The following RALGAPA1 variants were observed in gnomAD, a reference collection of about 807,000 sequenced individuals.
RALGAPA1 encodes the protein Ral GTPase activating protein catalytic subunit alpha 1.
Under a neutral mutation model 269.6 loss-of-function variants are expected in RALGAPA1, and 52 were observed. The ratio of observed to expected loss-of-function variants is 0.19; its 90% CI spans 0.15 to 0.24. The LOEUF is 0.24. Among genes scored for constraint, RALGAPA1 ranks in the 10% least tolerant of loss-of-function variants. The pLI is 1.00. For synonymous variants in RALGAPA1, 817 were observed against 1,008.3 expected (o/e 0.81, Z 3.60); for missense variants, 1,917 against 3,013.9 (o/e 0.64, Z 8.52).
At chr14:35,653,137 G>C (rs569684707) in intron 30 of RALGAPA1, among the ~76,000 whole-genome samples, 3 of 152,182 alleles carry the variant, frequency 2.0e-5, no homozygotes, top group East Asian at 3.9e-4. Flanking sequence ...TGTTCTCTTG[G>C]CTTATGACTC....
At chr14:35,605,412 A>G (rs1170856385) in intron 36 of RALGAPA1, among the ~76,000 whole-genome samples, 174 bp downstream of exon 36, 1 of 152,174 alleles carries the variant, frequency 6.6e-6, no homozygotes, top group East Asian at 1.9e-4. Context: ...CTTTCCTTTC[A>G]AAGTCCCAAC....
intron 6 of RALGAPA1, among the ~76,000 whole-genome samples, chr14:35,758,124 C>A (rs552743215): frequency 6.6e-6 from 1 of 151,456 alleles, no homozygotes; most frequent in South Asian, 2.1e-4. Flanking sequence ...TGGTGGCACA[C>A]GCCTGTAATC....
intron 32 of RALGAPA1, 72 bp downstream of exon 32, chr14:35,635,392 C>A: frequency 7.1e-7 from 1 of 1,409,046 alleles, no homozygotes; most frequent in Non-Finnish European, 9.4e-7. Flanking sequence ...AAATGTTATA[C>A]TGAGAAATGT....
chr14:35,631,285 C>CT (rs2061344998), intron 33 of RALGAPA1, among the ~76,000 whole-genome samples: 1 of 152,120 alleles, frequency 6.6e-6, no homozygotes, highest in African/African-American at 2.4e-5. Context: ...AATTTCCATA[C>CT]TTTTTTCTCT....
chr14:35,680,321 C>A (rs2065313598), intron 21 of RALGAPA1, among the ~76,000 whole-genome samples: 1 of 152,100 alleles, frequency 6.6e-6, no homozygotes, highest in Non-Finnish European at 1.5e-5. Context: ...AATTCTCCTG[C>A]CTCAGCCTCC....
intron 1 of RALGAPA1, among the ~76,000 whole-genome samples, chr14:35,795,877 G>A (rs1034332185): frequency 2.0e-5 from 3 of 151,550 alleles, no homozygotes; most frequent in African/African-American, 7.3e-5. Flanking sequence ...CCAGCTACTC[G>A]GGAAGCTGAG....
intron 31 of RALGAPA1, among the ~76,000 whole-genome samples, chr14:35,642,675 A>C (rs1171902799): frequency 3.3e-5 from 5 of 152,242 alleles, no homozygotes; most frequent in Non-Finnish European, 7.3e-5. Context: ...ATCATTAAAA[A>C]GTCAGGAAAC....
Position 35,684,813 on chromosome 14 carries a change from G to A in RALGAPA1, c.4294+116C>T. 5.8e-6 allele frequency: 6 copies of A among 1,042,744 alleles called. No individual in the cohort carries two copies. The Admixed American group carries it at 1.4e-4, about 25-fold the overall frequency. 64.6% of individuals were successfully genotyped at this position (1,042,744 alleles called of 1,614,324 possible). ...TCTAATTTTTTTTTTTCTAACGTGG[G>A]AGCCACTGCCTAAGTAACACTGGAG... On this transcript the variant is annotated intron_variant, in intron 20 of 41. Transcript: ENST00000680220.
At chr14:35,763,377 A>C (rs917361403) in intron 4 of RALGAPA1, among the ~76,000 whole-genome samples, 6 of 152,144 alleles carry the variant, frequency 3.9e-5, no homozygotes, top group African/African-American at 1.4e-4. Context: ...CTGAGGCCCA[A>C]ATCATATTGT....
At chr14:35,581,919 T>G (rs1328180103) in intron 37 of RALGAPA1, among the ~76,000 whole-genome samples, 1 of 152,200 alleles carries the variant, frequency 6.6e-6, no homozygotes, top group Non-Finnish European at 1.5e-5. Flanking sequence ...TTCAAATAGA[T>G]ATTTGTATGC....
chr14:35,690,916 A>G (rs918260442), intron 17 of RALGAPA1, among the ~76,000 whole-genome samples: 10 of 152,004 alleles, frequency 6.6e-5, no homozygotes, highest in African/African-American at 2.4e-4. Flanking sequence ...TTAAAAACAC[A>G]AAACTAGCCG....
At chr14:35,766,080 T>C (rs1189102112) in intron 4 of RALGAPA1, 2 of 1,189,976 alleles carry the variant, frequency 1.7e-6, no homozygotes, top group Admixed American at 1.7e-5. Context: ...CATATCGGCA[T>C]TCACATGCTA....
chr14:35,683,534 A>T (rs1012245087), intron 21 of RALGAPA1: 19 of 246,372 alleles, frequency 7.7e-5, no homozygotes, highest in Admixed American at 5.4e-4. Flanking sequence ...TCCCATTAAA[A>T]TTTTTTTTTA....
chr14:35,750,115 T>A (rs977235102), intron 9 of RALGAPA1, among the ~76,000 whole-genome samples: 14 of 152,176 alleles, frequency 9.2e-5, no homozygotes, highest in African/African-American at 3.4e-4. Flanking sequence ...GGTCTTTTAA[T>A]CTGCATTTTG....
At chr14:35,788,467 T>G (rs936167136) in intron 1 of RALGAPA1, among the ~76,000 whole-genome samples, 1 of 152,158 alleles carries the variant, frequency 6.6e-6, no homozygotes, top group African/African-American at 2.4e-5. Context: ...ACAGGTAAAC[T>G]GAAGATCAAA....
chr14:35,750,947 C>T (rs184595698), intron 8 of RALGAPA1, among the ~76,000 whole-genome samples: 203 of 152,192 alleles, frequency 1.3e-3, no homozygotes, highest in Middle Eastern at 3.4e-3. Flanking sequence ...TACCTAAGTA[C>T]AAAGAAGCTT....
intron 16 of RALGAPA1, among the ~76,000 whole-genome samples, chr14:35,714,839 C>T (rs2068668025): frequency 6.6e-6 from 1 of 152,132 alleles, no homozygotes; most frequent in African/African-American, 2.4e-5. Context: ...TTTTACCCTC[C>T]ATTTGAAAGT....
chr14:35,709,651 G>A (rs1345560323), intron 16 of RALGAPA1, among the ~76,000 whole-genome samples: 1 of 151,298 alleles, frequency 6.6e-6, no homozygotes, highest in Non-Finnish European at 1.5e-5. Flanking sequence ...TTAGATTACT[G>A]GTTTTAGATC....
chr14:35,786,177 G>A (rs2075780906), intron 1 of RALGAPA1, among the ~76,000 whole-genome samples: 1 of 151,662 alleles, frequency 6.6e-6, no homozygotes, highest in African/African-American at 2.4e-5. Flanking sequence ...AAAAACATAA[G>A]AGAAGGAATG....
Sources: allele counts gnomAD v4.1 joint callset (sites outside exome capture counted in the v4.1 genomes callset), GRCh38; gene constraint gnomAD v4.1.1; transcripts MANE v1.5; gene names NCBI Gene and HGNC (gene_info 2026-07-23, HGNC 2026-07-21).